The following CSMD1 variants were observed in gnomAD, a reference collection of about 807,000 sequenced individuals.
The protein encoded by CSMD1 is CUB and sushi domain-containing protein 1.
In CSMD1, 213 loss-of-function variants were observed where a neutral mutation model predicts 417.5. That is an observed-to-expected ratio of 0.51 (90% confidence interval 0.46 to 0.57). CSMD1 has a LOEUF of 0.57. CSMD1 is among the 20% of genes least tolerant of loss of function. The pLI is 0.00. For synonymous variants in CSMD1, 2,862 were observed against 1,736.8 expected, an observed-to-expected ratio of 1.65 and a Z score of -16.11; for missense variants, 6,923 against 4,529.7, an observed-to-expected ratio of 1.53 and a Z score of -15.17.
intron 40 of CSMD1, among the ~76,000 whole-genome samples, chr8:3,143,639 A>C (rs999339786): frequency 4.6e-5 from 7 of 152,236 alleles, no homozygotes; most frequent in African/African-American, 1.7e-4. Flanking sequence ...CATGCAGTTA[A>C]GCTGGGCCGT....
chr8:3,902,288 ACTGTCAAATC>A (rs1309015306), intron 5 of CSMD1, among the ~76,000 whole-genome samples: 2 of 152,068 alleles, frequency 1.3e-5, no homozygotes, highest in African/African-American at 4.8e-5. Context: ...CTCACCCATT[ACTGTCAAATC>A]CTGTTACTCC....
chr8:3,752,469 A>C (rs1442730612), intron 6 of CSMD1, among the ~76,000 whole-genome samples: 1 of 152,080 alleles, frequency 6.6e-6, no homozygotes, highest in African/African-American at 2.4e-5. Flanking sequence ...AGCCTGGCCA[A>C]CATGGCGAAA....
chr8:4,282,531 T>A (rs1585153535), intron 3 of CSMD1, among the ~76,000 whole-genome samples: 1 of 152,210 alleles, frequency 6.6e-6, no homozygotes, highest in East Asian at 1.9e-4. Flanking sequence ...GTAAAGCAAC[T>A]AATGTGTAAT....
chr8:4,510,036 G>A (rs1376081366), intron 2 of CSMD1, among the ~76,000 whole-genome samples: 1 of 152,056 alleles, frequency 6.6e-6, no homozygotes, highest in African/African-American at 2.4e-5. Flanking sequence ...CCCGGTGGGA[G>A]GTAACTCAAT....
chr8:3,022,862 G>T (rs1375973051), intron 51 of CSMD1, among the ~76,000 whole-genome samples: 1 of 152,112 alleles, frequency 6.6e-6, no homozygotes, highest in Non-Finnish European at 1.5e-5. Context: ...TGTTTTATTA[G>T]GCCTAGAGAG....
At chr8:4,746,809 G>A (rs966823209) in intron 1 of CSMD1, among the ~76,000 whole-genome samples, 5 of 152,134 alleles carry the variant, frequency 3.3e-5, no homozygotes, top group African/African-American at 1.2e-4. Flanking sequence ...ATAACTGTGT[G>A]GGTTCTCTCT....
intron 2 of CSMD1, among the ~76,000 whole-genome samples, chr8:4,445,668 G>A (rs115185438): frequency 0.014 from 2,198 of 152,246 alleles, 73 homozygotes; most frequent in African/African-American, 0.05. Flanking sequence ...AGCCACTAGA[G>A]AACATTACAT....
chr8:4,706,697 A>G (rs187042538), intron 1 of CSMD1, among the ~76,000 whole-genome samples: 6 of 152,190 alleles, frequency 3.9e-5, no homozygotes, highest in East Asian at 1.9e-4. Flanking sequence ...TAATGGCATG[A>G]AAGTCCAAAA....
intron 1 of CSMD1, among the ~76,000 whole-genome samples, chr8:4,779,926 A>G (rs1050533297): frequency 2.0e-5 from 3 of 151,540 alleles, no homozygotes; most frequent in African/African-American, 7.3e-5. Context: ...TTTCTCCAAT[A>G]AGAAAATAAA....
intron 5 of CSMD1, among the ~76,000 whole-genome samples, chr8:3,951,235 G>A (rs941746282): frequency 1.3e-5 from 2 of 152,144 alleles, no homozygotes; most frequent in African/African-American, 4.8e-5. Context: ...AGGCGGGCAC[G>A]GGTCTGACGG....
chr8:4,448,653 T>G (rs935137495), intron 2 of CSMD1, among the ~76,000 whole-genome samples: 2 of 152,172 alleles, frequency 1.3e-5, no homozygotes, highest in Non-Finnish European at 2.9e-5. Flanking sequence ...CACCAACATA[T>G]GTCAACATCT....
intron 2 of CSMD1, among the ~76,000 whole-genome samples, chr8:4,509,858 T>A (rs950786807): frequency 5.9e-5 from 9 of 152,170 alleles, no homozygotes; most frequent in Non-Finnish European, 1.2e-4. Flanking sequence ...CAGCTGGTGC[T>A]TAGTAGGACA....
chr8:3,689,176 C>T (rs554513574), intron 7 of CSMD1, among the ~76,000 whole-genome samples: 1 of 152,300 alleles, frequency 6.6e-6, no homozygotes, highest in African/African-American at 2.4e-5. Context: ...GGGAACATGT[C>T]ATGACTTTCA....
chr8:3,440,246 T>C (rs1018438402), intron 12 of CSMD1, among the ~76,000 whole-genome samples: 2 of 152,170 alleles, frequency 1.3e-5, no homozygotes, highest in Admixed American at 6.6e-5. Flanking sequence ...TTTGGGAGAT[T>C]TGAGATCTTT....
intron 1 of CSMD1, among the ~76,000 whole-genome samples, chr8:4,725,808 T>G (rs1262427911): frequency 6.6e-6 from 1 of 152,102 alleles, no homozygotes; most frequent in Non-Finnish European, 1.5e-5. Context: ...AGCTGCTCGG[T>G]TGGAACTGAG....
At position 2,961,158 on chromosome 8, in the gene CSMD1, T is replaced by C. The variant is rs750297931; in HGVS notation, c.9685A>G (p.Ser3229Gly). ...PGTPHFGIQN[S>G]SRGYEVGSTV... is the part of the protein sequence containing the mutation. ...TGAACTACCTCATAGCCTCTGGAGC[T>C]ATTCTGTATTCCAAAGTGTGGCGTA... The change falls in exon 62 of 70, where the codon AGC becomes GGC. Residue 3229 changes from serine (S) to glycine (G), a missense_variant. Ser to Gly is a moderately conservative substitution (Grantham distance 56, BLOSUM62 0). Coordinates refer to ENST00000635120, the MANE Select transcript of CSMD1 (RefSeq NM_033225.6). 9.4e-6 allele frequency: 15 copies of C among 1,596,568 alleles called. No homozygotes were observed. Among genetic ancestry groups the C allele is most frequent in the Middle Eastern group, 1.7e-4 (1 of 6,006 alleles).
At chr8:3,300,918 C>T (rs1231959354) in intron 25 of CSMD1, among the ~76,000 whole-genome samples, 2 of 135,388 alleles carry the variant, frequency 1.5e-5, no homozygotes, top group East Asian at 2.2e-4. Context: ...AGGATTGCGC[C>T]ACCGCACTCC....
intron 32 of CSMD1, among the ~76,000 whole-genome samples, chr8:3,201,018 TCA>T: frequency 6.6e-6 from 1 of 152,308 alleles, no homozygotes; most frequent in Middle Eastern, 3.4e-3. Flanking sequence ...CATTCAGAAC[TCA>T]GAGTAAGGGC....
At chr8:4,851,577 T>G (rs1038083450) in intron 1 of CSMD1, among the ~76,000 whole-genome samples, 1 of 152,110 alleles carries the variant, frequency 6.6e-6, no homozygotes, top group African/African-American at 2.4e-5. Context: ...ACCTGTATCT[T>G]CAGTTGGCAT....
Sources: allele counts gnomAD v4.1 joint callset (sites outside exome capture counted in the v4.1 genomes callset), GRCh38; gene constraint gnomAD v4.1.1; transcripts MANE v1.5; gene names NCBI Gene and HGNC (gene_info 2026-07-23, HGNC 2026-07-21).